LRIG1: variants seen among roughly 807,000 people sequenced by gnomAD.
LRIG1 encodes the protein leucine rich repeats and immunoglobulin like domains 1.
A neutral mutation model predicts 99.2 loss-of-function variants in LRIG1; 48 were observed. The ratio of observed to expected loss-of-function variants is 0.48; its 90% CI spans 0.38 to 0.62. The LOEUF is 0.62. Among genes scored for constraint, LRIG1 ranks in the 20% least tolerant of loss-of-function variants. The pLI, the probability that LRIG1 is intolerant of heterozygous loss-of-function variation, is 0.00. For missense variants in LRIG1, 1,646 were observed against 1,434.4 expected, an observed-to-expected ratio of 1.15 and a Z score of -2.38; for synonymous variants, 772 against 596.1, an observed-to-expected ratio of 1.29 and a Z score of -4.30.
chr3:66,496,409 C>T (rs2106939092), intron 1 of LRIG1, among the ~76,000 whole-genome samples: 1 of 152,216 alleles, frequency 6.6e-6, no homozygotes, highest in Admixed American at 6.5e-5. Flanking sequence ...TCACGACAAC[C>T]AATATTATTT....
intron 3 of LRIG1, among the ~76,000 whole-genome samples, chr3:66,428,547 C>T (rs1297648591): frequency 2.6e-5 from 4 of 152,114 alleles, no homozygotes; most frequent in African/African-American, 4.8e-5. Flanking sequence ...CCACAGCTTA[C>T]GATAATGCAC....
intron 1 of LRIG1, chr3:66,469,346 T>C (rs1700545532): frequency 6.6e-6 from 1 of 152,234 alleles, no homozygotes; most frequent in Non-Finnish European, 1.5e-5. Flanking sequence ...CTGAAAATTT[T>C]ACATAGACCA....
At chr3:66,441,328 G>C (rs531995096) in intron 3 of LRIG1, among the ~76,000 whole-genome samples, 2 of 152,156 alleles carry the variant, frequency 1.3e-5, no homozygotes. Flanking sequence ...TGATGTCTTC[G>C]GGGGCAGATA....
At chr3:66,435,285 A>C (rs530083066) in intron 3 of LRIG1, among the ~76,000 whole-genome samples, 1 of 152,164 alleles carries the variant, frequency 6.6e-6, no homozygotes, top group Admixed American at 6.5e-5. Context: ...GGGGCTAGGC[A>C]TGGTGGGTCA....
chr3:66,433,936 T>G (rs1446430209), intron 3 of LRIG1, among the ~76,000 whole-genome samples: 1 of 152,218 alleles, frequency 6.6e-6, no homozygotes, highest in Non-Finnish European at 1.5e-5. Flanking sequence ...ATTTCAGGCT[T>G]TTAAAAACAT....
At chr3:66,498,901 G>A (rs1272828227) in intron 1 of LRIG1, among the ~76,000 whole-genome samples, 1 of 152,146 alleles carries the variant, frequency 6.6e-6, no homozygotes, top group East Asian at 1.9e-4. Flanking sequence ...TTCCCTTCAC[G>A]GTAGTCAGAA....
intron 2 of LRIG1, among the ~76,000 whole-genome samples, chr3:66,459,085 C>A (rs1249799211): frequency 1.3e-5 from 2 of 151,952 alleles, no homozygotes; most frequent in African/African-American, 4.8e-5. Context: ...TCGTATTCTC[C>A]AAAGGTTTAT....
intron 3 of LRIG1, among the ~76,000 whole-genome samples, chr3:66,418,336 A>T (rs1350000921): frequency 1.3e-5 from 2 of 151,864 alleles, no homozygotes; most frequent in Non-Finnish European, 2.9e-5. Flanking sequence ...CTCATGATCC[A>T]CCCGCCTTGG....
At chr3:66,439,084 C>T (rs1239872060) in intron 3 of LRIG1, among the ~76,000 whole-genome samples, 1 of 152,176 alleles carries the variant, frequency 6.6e-6, no homozygotes, top group Non-Finnish European at 1.5e-5. Flanking sequence ...GAGAGGAAGA[C>T]AGAGCAGGGG....
At chr3:66,479,342 G>C (rs188245714) in intron 1 of LRIG1, among the ~76,000 whole-genome samples, 4 of 152,310 alleles carry the variant, frequency 2.6e-5, no homozygotes, top group East Asian at 3.9e-4. Flanking sequence ...AGCTCCCCTA[G>C]AGCGTCTGTA....
At chr3:66,495,392 C>A (rs1464719726) in intron 1 of LRIG1, among the ~76,000 whole-genome samples, 3 of 152,092 alleles carry the variant, frequency 2.0e-5, no homozygotes, top group Non-Finnish European at 4.4e-5. Flanking sequence ...TTTAAAAGAC[C>A]CCCAGGGTTT....
intron 12 of LRIG1, among the ~76,000 whole-genome samples, chr3:66,390,790 C>A (rs144884166): frequency 6.6e-6 from 1 of 151,950 alleles, no homozygotes; most frequent in African/African-American, 2.4e-5. Context: ...CAAAAGCATA[C>A]GTAATAAAAG....
Position 66,379,329 on chromosome 3 carries a change from TTCC to T in LRIG1, c.*931_*933del, listed in dbSNP as rs764465232. 9.2e-5 allele frequency: 14 copies of T among 152,614 alleles called. No homozygotes were observed. The highest frequency in any genetic ancestry group is 5.9e-4 in the Admixed American group (9 of 15,312). The allele number at this position is 152,614 out of a possible 1,614,324, so 9.5% of individuals were successfully genotyped here. A position where few individuals can be genotyped will look rare whatever the true frequency, so the allele number is the denominator to read the frequency against. ...TAAGGTAGCCCTGAAAAGTCAGAAC[TTCC>T]TCCTTTCTGTCCCCCAAGGCCAATG... is the stretch of plus-strand genomic sequence containing the variant. On this transcript the variant is annotated 3_prime_UTR_variant, in exon 19 of 19. Coordinates refer to ENST00000273261, the MANE Select transcript of LRIG1 (RefSeq NM_015541.3).
chr3:66,394,052 T>A lies in LRIG1; in HGVS notation c.1456A>T (p.Ser486Cys). The part of the protein sequence containing the change: ...GQSIFSVPPE[S>C]FVCDDFLKPQ... ...AAGACAGTCTTACCGCACACGAAAC[T>A]CTCTGGTGGCACAGAGAAAATGCTC... Residue 486 changes from serine (S) to cysteine (C), a missense_variant, in exon 12 of 19, where the codon AGT (serine) becomes TGT (cysteine). Coordinates refer to ENST00000273261, the MANE Select transcript of LRIG1 (RefSeq NM_015541.3). The A allele has an allele frequency of 6.2e-7, 1 of 1,614,062 alleles. No individual in the cohort carries two copies.
intron 1 of LRIG1, chr3:66,498,293 T>C (rs760089330): frequency 2.6e-5 from 4 of 152,156 alleles, no homozygotes; most frequent in Admixed American, 6.5e-5. Flanking sequence ...ATTTTGAAGG[T>C]ATTTATGCCA....
intron 16 of LRIG1, among the ~76,000 whole-genome samples, 168 bp from the exon 17 acceptor site, chr3:66,381,799 AG>A (rs1701084177): frequency 6.6e-6 from 1 of 152,142 alleles, no homozygotes; most frequent in Non-Finnish European, 1.5e-5. Context: ...ACTACTTCCC[AG>A]CAGGCAGGCT....
intron 2 of LRIG1, among the ~76,000 whole-genome samples, chr3:66,457,829 C>T (rs1308388243): frequency 1.3e-5 from 2 of 152,198 alleles, no homozygotes; most frequent in African/African-American, 4.8e-5. Flanking sequence ...CACACTCAGA[C>T]GGTACTGTTG....
intron 12 of LRIG1, 112 bp from the exon 13 acceptor site, chr3:66,386,413 G>A: frequency 1.1e-6 from 1 of 893,962 alleles, no homozygotes; most frequent in Non-Finnish European, 1.8e-6. Context: ...ACCAGAGCTT[G>A]AGGTCCCTGT....
At chr3:66,445,018 C>G (rs986294484) in intron 3 of LRIG1, among the ~76,000 whole-genome samples, 5 of 151,640 alleles carry the variant, frequency 3.3e-5, no homozygotes, top group Non-Finnish European at 7.4e-5. Flanking sequence ...AGGCCTGTAT[C>G]TTCCCCCTTT....
Sources: allele counts gnomAD v4.1 joint callset (sites outside exome capture counted in the v4.1 genomes callset), GRCh38; gene constraint gnomAD v4.1.1; transcripts MANE v1.5; gene names NCBI Gene and HGNC (gene_info 2026-07-23, HGNC 2026-07-21).